SPHK2: variants seen among roughly 807,000 people sequenced by gnomAD.
SPHK2 encodes sphingosine kinase 2.
Under a neutral mutation model 32.3 loss-of-function variants are expected in SPHK2, and 18 were observed. The ratio of observed to expected loss-of-function variants is 0.56; its 90% CI spans 0.39 to 0.83. The LOEUF is 0.83. SPHK2 is among the 40% of genes least tolerant of loss of function. The pLI, the probability that SPHK2 is intolerant of heterozygous loss-of-function variation, is 0.00. For missense variants in SPHK2, 850 were observed against 908.7 expected (o/e 0.94, Z 0.83); for synonymous variants, 462 against 417.6 (o/e 1.11, Z -1.30).
intron 3 of SPHK2, among the ~76,000 whole-genome samples, chr19:48,627,258 G>A (rs2029995117): frequency 6.6e-6 from 1 of 152,252 alleles, no homozygotes; most frequent in South Asian, 2.1e-4. Flanking sequence ...CCACAGGTGA[G>A]TCACCCAGGG....
chr19:48,629,257 C>T lies in SPHK2; in HGVS notation c.1449C>T (p.His483=). 9 of 1,613,722 alleles carry T rather than the reference C, an allele frequency of 5.6e-6. No homozygotes were observed. The highest frequency in any genetic ancestry group is 7.6e-6 in the Non-Finnish European group (9 of 1,179,990). Residue 483 remains histidine, a synonymous_variant, in exon 7 of 7, where the codon CAC becomes CAT. Transcript: ENST00000245222. ...CTGGCTCTCCCAAGGCAGCTCTACA[C>T]TCACCCGTCTCCGAAGGGGCCCCCG... ...SPPGSPKAAL[H]SPVSEGAPVI... is the part of the protein sequence containing the mutation.
At chr19:48,624,962 G>A in intron 2 of SPHK2, 1 of 987,814 alleles carries the variant, frequency 1.0e-6, no homozygotes, top group Non-Finnish European at 1.2e-6. Context: ...GGGGAACAAA[G>A]GTGAGCGAAA....
chr19:48,623,779 T>A (rs1974497047), intron 2 of SPHK2: 1 of 152,300 alleles, frequency 6.6e-6, no homozygotes, highest in African/African-American at 2.4e-5. Context: ...TCCATCTGTC[T>A]CCGTGTCTGT....
At chr19:48,626,398 C>T in intron 3 of SPHK2, 36 bp downstream of exon 3, 3 of 1,509,906 alleles carry the variant, frequency 2.0e-6, no homozygotes, top group South Asian at 1.3e-5. Flanking sequence ...CCTGGAGCCA[C>T]CTTGGTGTCT....
intron 2 of SPHK2, 34 bp downstream of exon 2, chr19:48,620,587 C>A: frequency 2.0e-6 from 3 of 1,513,012 alleles, no homozygotes; most frequent in East Asian, 2.3e-5. Flanking sequence ...GATCCTCATA[C>A]TGTGGAAAGA....
chr19:48,628,185 C>G lies in SPHK2; in HGVS notation c.780C>G (p.Arg260=), dbSNP rs761027008. The G allele has an allele frequency of 5.0e-6, 8 of 1,613,722 alleles. No individual in the cohort carries two copies. Among genetic ancestry groups the G allele is most frequent in the Admixed American group, 3.3e-5 (2 of 59,986 alleles). ...LHEVLNGLLD[R]PDWEEAVKMP... The stretch of plus-strand genomic sequence containing the variant: ...AGGTGCTGAACGGGCTCCTAGATCG[C>G]CCTGACTGGGAGGAAGCTGTGAAGA... The change falls in exon 6 of 7, where the codon CGC becomes CGG. Residue 260 remains arginine, a synonymous_variant. Transcript: ENST00000245222. This position sits in a 1 kb window ranked among gnomAD's most constrained non-coding sequence, Gnocchi z 5.2.
chr19:48,629,477 C>G lies in SPHK2; in HGVS notation c.1669C>G (p.Pro557Ala), dbSNP rs756390805. The G allele has an allele frequency of 1.9e-6, 3 of 1,607,858 alleles. No individual in the cohort carries two copies. The African/African-American group carries it at 4.0e-5, about 21-fold the overall frequency. Reference sequence around the variant, plus strand: ...CCTAGGCGCTGACCTGGTGGCAGCTCCGCATGCGCGCTTCGACGACGGCCT... The same window carrying G: ...CCTAGGCGCTGACCTGGTGGCAGCTGCGCATGCGCGCTTCGACGACGGCCT... ...SHLGADLVAAPHARFDDGLVH... is the reference protein window; with the variant it reads ...SHLGADLVAAAHARFDDGLVH... Residue 557 changes from proline (P) to alanine (A), a missense_variant, in exon 7 of 7, where the codon CCG becomes GCG. Pro to Ala is a conservative substitution (Grantham distance 27). This residue lies in a region of SPHK2 where 306 missense variants were observed against 268.6 expected (regional missense o/e 1.14). Transcript: ENST00000245222.
rs1346565516 is a variant in SPHK2 at position 48,626,140 on chromosome 19, G to A, written c.289G>A (p.Val97Ile). ...GGGTGGCCTGGTCCCGTTGGCCGAG[G>A]TCTCAGGCTGCTGCACCCTGCGAAG... ...PRGGLVPLAE[V>I]SGCCTLRSRS... The change falls in exon 3 of 7, where the codon GTC (valine) becomes ATC (isoleucine). Residue 97 changes from valine (V) to isoleucine (I), a missense_variant. Physicochemically the swap from Val to Ile is conservative, Grantham distance 29. Transcript: ENST00000245222. 1 of 1,604,928 alleles carries A rather than the reference G, an allele frequency of 6.2e-7. No homozygotes were observed. The highest frequency in any genetic ancestry group is 1.3e-5 in the African/African-American group (1 of 74,738).
chr19:48,625,727 C>G lies in SPHK2; in HGVS notation c.40-164C>G, dbSNP rs141842635. ...CTCTGGGATGCTGGCCTCTGTCCCG[C>G]ATCCTCAAGGTCTGCCCACACCTGT... On this transcript the variant is annotated intron_variant, in intron 2 of 6. Coordinates refer to ENST00000245222, the MANE Select transcript of SPHK2 (RefSeq NM_020126.5). The G allele has an allele frequency of 2.3e-4, 359 of 1,535,164 alleles. 3 individuals carry two copies. In the South Asian group the frequency reaches 3.7e-3, roughly 16 times the overall value.
At position 48,626,111 on chromosome 19, in the gene SPHK2, C is replaced by T; in HGVS notation, c.260C>T (p.Pro87Leu). Residue 87 changes from proline to leucine, a missense_variant, in exon 3 of 7, where the codon CCC (proline) becomes CTC (leucine). Transcript: ENST00000245222. ...CTGCGCCCCAAACCTGAAGCCAGGC[C>T]CCGGGGTGGCCTGGTCCCGTTGGCC... is the stretch of plus-strand genomic sequence containing the variant. ...QRLRPKPEAR[P>L]RGGLVPLAEV... is the part of the protein sequence containing the mutation. 1 of 1,610,154 alleles carries T rather than the reference C, an allele frequency of 6.2e-7. No individual in the cohort carries two copies. The highest frequency in any genetic ancestry group is 8.5e-7 in the Non-Finnish European group (1 of 1,178,166).
chr19:48,619,580 C>G (rs2147663165), intron 1 of SPHK2, 37 bp downstream of exon 1: 1 of 199,374 alleles, frequency 5.0e-6, no homozygotes, highest in East Asian at 1.4e-4. Context: ...GTCGGGGCAT[C>G]TGGAAATTTC....
In SPHK2 at chr19:48,629,503, G is replaced by T; in HGVS notation, c.1695G>T (p.Leu565=). ...CGCATGCGCGCTTCGACGACGGCCT[G>T]GTGCACCTGTGCTGGGTGCGTAGCG... ...AAPHARFDDG[L]VHLCWVRSGI... The change falls in exon 7 of 7, where the codon CTG becomes CTT. Residue 565 remains leucine, a synonymous_variant. Coordinates refer to ENST00000245222, the MANE Select transcript of SPHK2 (RefSeq NM_020126.5). The T allele has an allele frequency of 4.4e-6, 7 of 1,607,358 alleles. No homozygotes were observed. Among genetic ancestry groups the T allele is most frequent in the African/African-American group, 4.0e-5 (3 of 74,996 alleles).
chr19:48,625,854 C>T, intron 2 of SPHK2, 37 bp from the exon 3 acceptor site: 1 of 1,600,422 alleles, frequency 6.2e-7, no homozygotes, highest in Non-Finnish European at 8.5e-7. Context: ...GCCATGGGGT[C>T]CTGAATTCTC....
At chr19:48,621,404 A>G (rs1242342370) in intron 2 of SPHK2, among the ~76,000 whole-genome samples, 2 of 152,080 alleles carry the variant, frequency 1.3e-5, no homozygotes, top group African/African-American at 4.8e-5. Context: ...TCTAGAGACT[A>G]GGTCTCCCTC....
At position 48,620,548 on chromosome 19, in the gene SPHK2, G is replaced by A. The variant is rs2147666099; in HGVS notation, c.34G>A (p.Asp12Asn). The A allele has an allele frequency of 3.1e-6, 5 of 1,612,730 alleles. No individual in the cohort carries two copies. In the East Asian group the frequency reaches 8.9e-5, roughly 29 times the overall value. ...NGHLEAEEQQ[D>N]QRPDQELTGS... ...ACACCTTGAAGCAGAGGAGCAGCAG[G>A]ACCAGGTAAGGGACCATCTAAAAGC... is the stretch of plus-strand genomic sequence containing the variant. Residue 12 changes from aspartate to asparagine, a missense_variant, in exon 2 of 7, where the codon GAC (aspartate) becomes AAC (asparagine). By Grantham distance (23) the Asp-to-Asn change is conservative (BLOSUM62 1). Transcript: ENST00000245222.
In SPHK2 at chr19:48,628,670, C is replaced by G. The variant is rs200011232; in HGVS notation, c.873-11C>G. ...TTCCTTCTGTGTGTCCGTCCATCTCCGGCTGTGAAGATTTGAGCCAGCCCT... is the reference window on the plus strand; with the variant it reads ...TTCCTTCTGTGTGTCCGTCCATCTCGGGCTGTGAAGATTTGAGCCAGCCCT... On this transcript the variant is annotated splice_polypyrimidine_tract_variant and intron_variant, in intron 6 of 6. Transcript: ENST00000245222. The surrounding 1 kb of genome is among the most constrained non-coding windows in gnomAD (Gnocchi z 5.2). 1 of 1,607,448 alleles carries G rather than the reference C, an allele frequency of 6.2e-7. No individual in the cohort carries two copies. The highest frequency in any genetic ancestry group is 8.5e-7 in the Non-Finnish European group (1 of 1,178,496).
At position 48,628,877 on chromosome 19, in the gene SPHK2, C is replaced by T. The variant is rs758622908; in HGVS notation, c.1069C>T (p.Arg357Cys). Residue 357 changes from arginine (R) to cysteine (C), a missense_variant, in exon 7 of 7, where the codon CGC (arginine) becomes TGC (cysteine). This residue lies in a region of SPHK2 where 544 missense variants were observed against 640.0 expected (regional missense o/e 0.85). Coordinates refer to ENST00000245222, the MANE Select transcript of SPHK2 (RefSeq NM_020126.5). This position sits in a 1 kb window ranked among gnomAD's most constrained non-coding sequence, Gnocchi z 5.2. ...SERFRALGSARFTLGTVLGLA... is the reference protein window; with the variant it reads ...SERFRALGSACFTLGTVLGLA... The stretch of plus-strand genomic sequence containing the variant: ...GCGCTTCAGGGCCTTGGGCAGTGCC[C>T]GCTTCACACTGGGCACGGTGCTGGG... 6.2e-6 allele frequency: 10 copies of T among 1,613,708 alleles called. No individual in the cohort carries two copies. The highest frequency in any genetic ancestry group is 1.6e-4 in the Middle Eastern group (1 of 6,062).
Position 48,625,622 on chromosome 19 carries a change from C to T in SPHK2, c.40-269C>T, listed in dbSNP as rs773558585. The T allele has an allele frequency of 3.3e-5, 50 of 1,505,158 alleles. 3 individuals are homozygous for T. In the Admixed American group the frequency reaches 6.2e-4, roughly 19 times the overall value. The allele number at this position is 1,505,158 out of a possible 1,614,324, so 93.2% of individuals were successfully genotyped here. ...CTGCTGTGTTTGCTAGGCCTAGCAC[C>T]GTGATTGGCACATAAAGGGTACTGA... On this transcript the variant is annotated intron_variant, in intron 2 of 6. Coordinates refer to ENST00000245222, the MANE Select transcript of SPHK2 (RefSeq NM_020126.5).
chr19:48,628,697 G>A lies in SPHK2; in HGVS notation c.889G>A (p.Gly297Ser), dbSNP rs61755321. The stretch of plus-strand genomic sequence containing the variant: ...GCTGTGAAGATTTGAGCCAGCCCTG[G>A]GCCTCGACCTGTTGCTCAACTGCTC... ...NQHGGFEPAL[G>S]LDLLLNCSLL... Residue 297 changes from glycine (G) to serine (S), a missense_variant, in exon 7 of 7, where the codon GGC becomes AGC. By Grantham distance (56) the Gly-to-Ser change is moderately conservative. Coordinates refer to ENST00000245222, the MANE Select transcript of SPHK2 (RefSeq NM_020126.5). This position sits in a 1 kb window ranked among gnomAD's most constrained non-coding sequence, Gnocchi z 5.2. 1.9e-6 allele frequency: 3 copies of A among 1,611,710 alleles called. No individual in the cohort carries two copies. The highest frequency in any genetic ancestry group is 2.5e-6 in the Non-Finnish European group (3 of 1,179,824).
Sources: allele counts gnomAD v4.1 joint callset (sites outside exome capture counted in the v4.1 genomes callset), GRCh38; gene constraint gnomAD v4.1.1; regional missense constraint gnomAD v4.1.1; non-coding constraint Gnocchi (gnomAD v3.1); transcripts MANE v1.5; gene names NCBI Gene and HGNC (gene_info 2026-07-23, HGNC 2026-07-21).